PCDHGA2: variants seen among roughly 807,000 people sequenced by gnomAD.
PCDHGA2 encodes protocadherin gamma subfamily A, 2.
Under a neutral mutation model 59.2 loss-of-function variants are expected in PCDHGA2, and 40 were observed. The ratio of observed to expected loss-of-function variants is 0.68; its 90% CI spans 0.52 to 0.88. The LOEUF is 0.88. PCDHGA2 is among the 40% of genes least tolerant of loss of function. PCDHGA2 has a pLI of 0.00. For missense variants in PCDHGA2, 1,226 were observed against 1,204.0 expected (o/e 1.02, Z -0.27); for synonymous variants, 560 against 526.0 (o/e 1.06, Z -0.89).
rs934674909 is a variant in PCDHGA2, at chr5:141,511,083, A to C, written c.2709A>C (p.Thr903=). Residue 903 remains threonine, a synonymous_variant, in exon 4 of 4, where the codon ACA becomes ACC. Transcript: ENST00000394576. The part of the protein sequence containing the change: ...QNVYIPGSNA[T]LTNAAGKRDG... Reference sequence around the variant, plus strand: ...TCTACATCCCAGGCAGCAATGCCACACTGACCAACGCAGCTGGCAAGCGGG... The same window carrying C: ...TCTACATCCCAGGCAGCAATGCCACCCTGACCAACGCAGCTGGCAAGCGGG... 1.2e-6 allele frequency: 2 copies of C among 1,614,108 alleles called. No homozygotes were observed. Among genetic ancestry groups the C allele is most frequent in the African/African-American group, 2.7e-5 (2 of 74,940 alleles).
intron 1 of PCDHGA2, among the ~76,000 whole-genome samples, chr5:141,442,921 CATTTTCTA>C (rs1366534082): frequency 6.6e-6 from 1 of 152,196 alleles, no homozygotes. Context: ...ACAACTGTTT[CATTTTCTA>C]TTTAAGAAAC....
chr5:141,347,245 G>A (rs541752483), intron 1 of PCDHGA2, among the ~76,000 whole-genome samples: 3 of 150,602 alleles, frequency 2.0e-5, no homozygotes, highest in Admixed American at 1.3e-4. Context: ...CCTTGACCTC[G>A]CAGACTCAAG....
chr5:141,382,941 C>T (rs750185010), intron 1 of PCDHGA2: 2 of 1,594,792 alleles, frequency 1.3e-6, no homozygotes, highest in Non-Finnish European at 1.7e-6. Context: ...GAGGATTCTT[C>T]CTGCTCTCCA....
intron 1 of PCDHGA2, among the ~76,000 whole-genome samples, chr5:141,436,557 A>G (rs1224841336): frequency 6.6e-6 from 1 of 152,218 alleles, no homozygotes; most frequent in Non-Finnish European, 1.5e-5. Flanking sequence ...GAGCTTCAGC[A>G]AAGTAGGAAT....
At chr5:141,383,843 A>T in intron 1 of PCDHGA2, 1 of 1,613,970 alleles carries the variant, frequency 6.2e-7, no homozygotes, top group Non-Finnish European at 8.5e-7. Context: ...ACTGCCTTCT[A>T]TGAAATGGAG....
At chr5:141,420,747 A>T (rs2096522944) in intron 1 of PCDHGA2, among the ~76,000 whole-genome samples, 1 of 152,220 alleles carries the variant, frequency 6.6e-6, no homozygotes, top group South Asian at 2.1e-4. Flanking sequence ...ATTGGAACCA[A>T]CTACAACCTA....
chr5:141,392,857 T>TGCTGTGC, intron 1 of PCDHGA2: 1 of 1,612,536 alleles, frequency 6.2e-7, no homozygotes, highest in Non-Finnish European at 8.5e-7. Flanking sequence ...GAGCTGATCC[T>TGCTGTGC]GCTGTGCGCG....
chr5:141,389,355 G>A, intron 1 of PCDHGA2: 3 of 1,613,950 alleles, frequency 1.9e-6, no homozygotes, highest in Non-Finnish European at 1.7e-6. Flanking sequence ...CTGCATCATG[G>A]CCAGTGACCT....
intron 1 of PCDHGA2, among the ~76,000 whole-genome samples, chr5:141,462,877 T>G (rs1387501705): frequency 1.3e-5 from 2 of 152,240 alleles, no homozygotes; most frequent in African/African-American, 4.8e-5. Flanking sequence ...CTTTAAGAAC[T>G]ATTGCAGTTT....
At chr5:141,364,768 G>A (rs1442604724) in intron 1 of PCDHGA2, 3 of 1,613,956 alleles carry the variant, frequency 1.9e-6, no homozygotes, top group Non-Finnish European at 8.5e-7. Flanking sequence ...ATGAAAATGC[G>A]GCTGCAGGGA....
intron 1 of PCDHGA2, chr5:141,419,006 A>T: frequency 6.2e-7 from 1 of 1,614,006 alleles, no homozygotes. Context: ...TGGGGAAGTC[A>T]GGTGTAGCTT....
intron 1 of PCDHGA2, chr5:141,355,817 C>A: frequency 6.2e-7 from 1 of 1,612,886 alleles, no homozygotes; most frequent in African/African-American, 1.3e-5. Context: ...GAGGAAGAGG[C>A]GGTTCACCAC....
rs2099627530 is a variant in PCDHGA2, at chr5:141,486,292, T to C, written c.2425-8515T>C. On this transcript the variant is annotated intron_variant, in intron 1 of 3. Transcript: ENST00000394576. This position sits in a 1 kb window ranked among gnomAD's most constrained non-coding sequence, Gnocchi z 5.0. ...CTGGCACTGTGGTGGCACTTATCAGTGTGCAGGATCCAGACTCAGGGTCAA... is the reference window on the plus strand; with the variant it reads ...CTGGCACTGTGGTGGCACTTATCAGCGTGCAGGATCCAGACTCAGGGTCAA... 5 of 1,613,970 alleles carry C rather than the reference T, an allele frequency of 3.1e-6. No individual in the cohort carries two copies. The highest frequency in any genetic ancestry group is 4.2e-6 in the Non-Finnish European group (5 of 1,179,982).
intron 1 of PCDHGA2, chr5:141,394,258 A>T: frequency 6.2e-7 from 1 of 1,613,912 alleles, no homozygotes; most frequent in Non-Finnish European, 8.5e-7. Context: ...CCCGACAGCC[A>T]GGAGAATGCC....
chr5:141,455,860 ATTAT>A (rs145569377), intron 1 of PCDHGA2, among the ~76,000 whole-genome samples: 54,169 of 139,612 alleles, frequency 0.39, 10,686 homozygotes, highest in Admixed American at 0.44. Context: ...AATTTCTTTT[ATTAT>A]TTATTTATTT....
At chr5:141,450,835 T>TATTA (rs1438371595) in intron 1 of PCDHGA2, among the ~76,000 whole-genome samples, 1 of 142,096 alleles carries the variant, frequency 7.0e-6, no homozygotes, top group Admixed American at 6.9e-5. Context: ...TATTATTTTT[T>TATTA]TTTTTTTGAG....
At chr5:141,425,069 A>G (rs771114613) in intron 1 of PCDHGA2, among the ~76,000 whole-genome samples, 1 of 152,170 alleles carries the variant, frequency 6.6e-6, no homozygotes. Context: ...GACAAAAATA[A>G]TTTCAACTGT....
intron 1 of PCDHGA2, among the ~76,000 whole-genome samples, chr5:141,406,157 C>A: frequency 6.6e-6 from 1 of 151,124 alleles, no homozygotes. Flanking sequence ...ACTGCAGTCT[C>A]AATCTCCTGG....
At chr5:141,403,168 G>T in intron 1 of PCDHGA2, 14 of 1,614,032 alleles carry the variant, frequency 8.7e-6, no homozygotes, top group African/African-American at 1.3e-5. Flanking sequence ...GAGGTAGGAC[G>T]CAGCTTTTCT....
Sources: allele counts gnomAD v4.1 joint callset (sites outside exome capture counted in the v4.1 genomes callset), GRCh38; gene constraint gnomAD v4.1.1; non-coding constraint Gnocchi (gnomAD v3.1); transcripts MANE v1.5; gene names NCBI Gene and HGNC (gene_info 2026-07-23, HGNC 2026-07-21).